Variants in SLC25A28 observed in about 807,000 individuals in gnomAD.
SLC25A28 encodes the protein solute carrier family 25 member 28, also known as mitoferrin-2.
A neutral mutation model predicts 31.9 loss-of-function variants in SLC25A28; 10 were observed. The ratio of observed to expected loss-of-function variants is 0.31; its 90% CI spans 0.19 to 0.53. SLC25A28 has a LOEUF of 0.53. SLC25A28 is among the 20% of genes least tolerant of loss of function. The pLI, the probability that SLC25A28 is intolerant of heterozygous loss-of-function variation, is 0.95. For missense variants in SLC25A28, 256 were observed against 490.3 expected, an observed-to-expected ratio of 0.52 and a Z score of 4.51; for synonymous variants, 208 against 203.6, an observed-to-expected ratio of 1.02 and a Z score of -0.19.
chr10:99,644,326 T>C, the SLC25A28 span, among the ~76,000 whole-genome samples: 1 of 149,348 alleles, frequency 6.7e-6, no homozygotes, highest in Non-Finnish European at 1.5e-5. Flanking sequence ...TGTAATGGCC[T>C]TCTTTGTCTC....
In SLC25A28 at chr10:99,611,319, T is replaced by C; in HGVS notation, c.625A>G (p.Thr209Ala). ...QMYNSPYHRV[T>A]DCVRAVWQNE... is the part of the protein sequence containing the mutation. ...TGCCACACTGCCCGTACACAGTCTG[T>C]CACCCGGTGGTATGGTGAGTTGTAC... is the stretch of plus-strand genomic sequence containing the variant. The change falls in exon 4 of 4, where the codon ACA becomes GCA. Residue 209 changes from threonine to alanine, a missense_variant. This residue lies in a region of SLC25A28 where 158 missense variants were observed against 379.1 expected (regional missense o/e 0.42). Coordinates refer to ENST00000370495, the MANE Select transcript of SLC25A28 (RefSeq NM_031212.4). The surrounding 1 kb of genome is among the most constrained non-coding windows in gnomAD (Gnocchi z 5.5). 1.2e-6 allele frequency: 2 copies of C among 1,614,126 alleles called. No individual in the cohort carries two copies. Among genetic ancestry groups the C allele is most frequent in the South Asian group, 1.1e-5 (1 of 91,080 alleles).
intron 1 of SLC25A28, 47 bp downstream of exon 1, chr10:99,619,998 G>T: frequency 6.6e-7 from 1 of 1,517,628 alleles, no homozygotes; most frequent in East Asian, 2.6e-5. Flanking sequence ...AAGACCCAGG[G>T]GTCGGGTCAG....
At position 99,610,766 on chromosome 10, in the gene SLC25A28, G is replaced by A. The variant is rs2034501511; in HGVS notation, c.*83C>T. 3.3e-6 allele frequency: 5 copies of A among 1,512,818 alleles called. No individual in the cohort carries two copies. Among genetic ancestry groups the A allele is most frequent in the Admixed American group, 1.9e-5 (1 of 52,732 alleles). 93.7% of individuals were successfully genotyped at this position (1,512,818 alleles called of 1,614,324 possible). ...CTCTACCTTCCTTCTAACTCCACTT[G>A]AGGTGGGAGCATTCCAGGAGACAGA... On this transcript the variant is annotated 3_prime_UTR_variant, in exon 4 of 4. Coordinates refer to ENST00000370495, the MANE Select transcript of SLC25A28 (RefSeq NM_031212.4).
chr10:99,628,668 T>C, the SLC25A28 span, among the ~76,000 whole-genome samples: 2 of 152,062 alleles, frequency 1.3e-5, no homozygotes, highest in African/African-American at 4.8e-5. Context: ...CTACTAAAAA[T>C]TAATTAGCCG....
At position 99,613,978 on chromosome 10, in the gene SLC25A28, A is replaced by C; in HGVS notation, c.292-54T>G. ...GTCAGCAATGCCAACTTCTCGCCCC[A>C]CCTCAACACACTGGGCAGACCTTCT... is the stretch of plus-strand genomic sequence containing the variant. On this transcript the variant is annotated intron_variant, in intron 1 of 3. Transcript: ENST00000370495. The surrounding 1 kb of genome is among the most constrained non-coding windows in gnomAD (Gnocchi z 4.9). 6.7e-7 allele frequency: 1 copy of C among 1,502,842 alleles called. No homozygotes were observed. 93.1% of individuals were successfully genotyped at this position (1,502,842 alleles called of 1,614,324 possible). A position where few individuals can be genotyped will look rare whatever the true frequency, so the allele number is the denominator to read the frequency against.
chr10:99,625,265 G>A (rs1242125820), upstream of SLC25A28, among the ~76,000 whole-genome samples: 1 of 152,064 alleles, frequency 6.6e-6, no homozygotes, highest in Non-Finnish European at 1.5e-5. Flanking sequence ...GACCTGAGCA[G>A]GTTGCTGCTG....
the SLC25A28 span, among the ~76,000 whole-genome samples, chr10:99,627,956 G>T: frequency 6.6e-6 from 1 of 151,934 alleles, no homozygotes; most frequent in Non-Finnish European, 1.5e-5. Flanking sequence ...TTTGATTTTT[G>T]ATCCCACAAA....
At chr10:99,631,891 A>ATTTTTTTTTTTTTT in the SLC25A28 span, among the ~76,000 whole-genome samples, 2 of 122,284 alleles carry the variant, frequency 1.6e-5, no homozygotes, top group Non-Finnish European at 1.6e-5. Context: ...TTTTTTTTTT[A>ATTTTTTTTTTTTTT]TTTTTTTTTT....
At chr10:99,651,608 T>TTTTTTTG in the SLC25A28 span, among the ~76,000 whole-genome samples, 1 of 148,522 alleles carries the variant, frequency 6.7e-6, no homozygotes. Context: ...TTTTTTTTTT[T>TTTTTTTG]GAGGTAGGGT....
At position 99,613,366 on chromosome 10, in the gene SLC25A28, C is replaced by T; in HGVS notation, c.520+330G>A. ...TCCTGCCCTAAGGAGCAGGACACCA[C>T]CCAACTGTCAAACATAGACTGGGGG... On this transcript the variant is annotated intron_variant, in intron 2 of 3. Transcript: ENST00000370495. The surrounding 1 kb of genome is among the most constrained non-coding windows in gnomAD (Gnocchi z 4.9). 1 of 1,209,234 alleles carries T rather than the reference C, an allele frequency of 8.3e-7. No individual in the cohort carries two copies. Among genetic ancestry groups the T allele is most frequent in the South Asian group, 1.7e-5 (1 of 57,580 alleles). The allele number at this position is 1,209,234 out of a possible 1,614,324, so 74.9% of individuals were successfully genotyped here. A position where few individuals can be genotyped will look rare whatever the true frequency, so the allele number is the denominator to read the frequency against.
intron 1 of SLC25A28, chr10:99,615,939 A>G: frequency 1.0e-6 from 1 of 985,456 alleles, no homozygotes; most frequent in South Asian, 4.7e-5. Context: ...AGAAAACCGG[A>G]CTGTGGGAAG....
chr10:99,621,962 C>T (rs1340767411), upstream of SLC25A28: 1 of 152,118 alleles, frequency 6.6e-6, no homozygotes, highest in Non-Finnish European at 1.5e-5. Flanking sequence ...TTTTGCATAT[C>T]ATTTCTGCGT....
the SLC25A28 span, among the ~76,000 whole-genome samples, chr10:99,649,207 T>C: frequency 6.6e-6 from 1 of 152,204 alleles, no homozygotes; most frequent in African/African-American, 2.4e-5. Flanking sequence ...ATTGAAATGA[T>C]CATATAGGTT....
chr10:99,653,537 T>C, the SLC25A28 span, among the ~76,000 whole-genome samples: 1 of 152,124 alleles, frequency 6.6e-6, no homozygotes, highest in Admixed American at 6.5e-5. Context: ...TTATTGCTAT[T>C]TTAAGCTGCA....
intron 1 of SLC25A28, chr10:99,619,141 A>G: frequency 2.0e-6 from 2 of 985,436 alleles, no homozygotes; most frequent in South Asian, 9.4e-5. Context: ...ACCTGACTTC[A>G]GTACACATAA....
chr10:99,625,895 G>A, the SLC25A28 span, among the ~76,000 whole-genome samples: 6 of 152,330 alleles, frequency 3.9e-5, no homozygotes, highest in East Asian at 9.6e-4. Context: ...GAAGAAACCT[G>A]TGTCCTTAAC....
chr10:99,642,283 A>T, the SLC25A28 span, among the ~76,000 whole-genome samples: 1 of 151,314 alleles, frequency 6.6e-6, no homozygotes, highest in African/African-American at 2.4e-5. Context: ...GGTCCTTCAC[A>T]TCCCTTGTAA....
At chr10:99,651,221 T>G in the SLC25A28 span, among the ~76,000 whole-genome samples, 1 of 152,170 alleles carries the variant, frequency 6.6e-6, no homozygotes, top group Admixed American at 6.5e-5. Context: ...ATCTACTTAC[T>G]CTTCTGGTTC....
chr10:99,612,779 G>T, intron 2 of SLC25A28, 180 bp from the exon 3 acceptor site: 1 of 662,184 alleles, frequency 1.5e-6, no homozygotes, highest in Non-Finnish European at 2.7e-6. Flanking sequence ...TAAAGTATCT[G>T]TTCCCACCAA....
Sources: allele counts gnomAD v4.1 joint callset (sites outside exome capture counted in the v4.1 genomes callset), GRCh38; gene constraint gnomAD v4.1.1; regional missense constraint gnomAD v4.1.1; non-coding constraint Gnocchi (gnomAD v3.1); transcripts MANE v1.5; gene names NCBI Gene and HGNC (gene_info 2026-07-23, HGNC 2026-07-21).